The following TRPM2 variants were observed in gnomAD, a reference collection of about 807,000 sequenced individuals.
TRPM2 encodes estrogen-responsive element-associated gene 1 protein.
TRPM2 carries 161 observed loss-of-function variants against 174.0 expected under a neutral mutation model. The ratio of observed to expected loss-of-function variants is 0.93; its 90% CI spans 0.81 to 1.05. TRPM2 has a LOEUF of 1.05. Ranked by LOEUF, TRPM2 falls within the 50% of genes least tolerant of loss-of-function variation. The pLI, the probability that TRPM2 is intolerant of heterozygous loss-of-function variation, is 0.00. For synonymous variants in TRPM2, 954 were observed against 861.3 expected, an observed-to-expected ratio of 1.11 and a Z score of -1.88; for missense variants, 2,057 against 2,038.0, an observed-to-expected ratio of 1.01 and a Z score of -0.18.
intron 11 of TRPM2, 128 bp from the exon 12 acceptor site, chr21:44,395,286 G>T: frequency 3.3e-6 from 4 of 1,194,366 alleles, no homozygotes; most frequent in Non-Finnish European, 4.6e-6. Flanking sequence ...GCAGGTTGTA[G>T]TTCTCCAGGG....
chr21:44,370,525 A>G (rs376118474), intron 5 of TRPM2, among the ~76,000 whole-genome samples: 7 of 152,332 alleles, frequency 4.6e-5, no homozygotes, highest in African/African-American at 1.2e-4. Context: ...CCACGTGGTC[A>G]GGAAAGCCCA....
intron 8 of TRPM2, among the ~76,000 whole-genome samples, chr21:44,380,283 A>G (rs1318429949): frequency 6.6e-6 from 1 of 152,184 alleles, no homozygotes; most frequent in Non-Finnish European, 1.5e-5. Flanking sequence ...CGGCAGGAGA[A>G]TAACATGATG....
In TRPM2 at chr21:44,369,306, G is replaced by C. The variant is rs2048453118; in HGVS notation, c.734G>C (p.Gly245Ala). The change falls in exon 5 of 32, where the codon GGC becomes GCC. Residue 245 changes from glycine (G) to alanine (A), a missense_variant. Coordinates refer to ENST00000397928, the MANE Select transcript of TRPM2 (RefSeq NM_003307.4). ...ATCACCATCGGAGTCGCCACCTGGG[G>C]CACTGTCCACCGCCGCGAGGGCCTG... ...ELITIGVATWGTVHRREGLIH... is the reference protein window; with the variant it reads ...ELITIGVATWATVHRREGLIH... The C allele has an allele frequency of 6.2e-7, 1 of 1,613,578 alleles. No individual in the cohort carries two copies.
intron 16 of TRPM2, among the ~76,000 whole-genome samples, chr21:44,404,689 A>T (rs1000663682): frequency 5.3e-5 from 8 of 151,414 alleles, no homozygotes; most frequent in South Asian, 2.1e-4. Flanking sequence ...TGTGATTGTG[A>T]TGATGATAGT....
At position 44,369,331 on chromosome 21, in the gene TRPM2, G is replaced by GATCCATCCC. The variant is rs2048454652; in HGVS notation, c.761_769dup (p.Ile254_Pro256dup). Reference sequence around the variant, plus strand: ...GCACTGTCCACCGCCGCGAGGGCCTGATCCATCCCACGGTGAGTGCGGCCC... The same window carrying GATCCATCCC: ...GCACTGTCCACCGCCGCGAGGGCCTGATCCATCCCATCCATCCCACGGTGAGTGCGGCCC... On this transcript the variant is annotated inframe_insertion, in exon 5 of 32. Coordinates refer to ENST00000397928, the MANE Select transcript of TRPM2 (RefSeq NM_003307.4). 1 of 1,612,158 alleles carries GATCCATCCC rather than the reference G, an allele frequency of 6.2e-7. No homozygotes were observed. Among genetic ancestry groups the GATCCATCCC allele is most frequent in the Non-Finnish European group, 8.5e-7 (1 of 1,179,076 alleles).
intron 4 of TRPM2, among the ~76,000 whole-genome samples, chr21:44,368,090 T>TTCTA (rs981376434): frequency 1.3e-5 from 2 of 152,266 alleles, no homozygotes; most frequent in Non-Finnish European, 2.9e-5. Flanking sequence ...ATTGTTATCT[T>TTCTA]TCTATCTATC....
At chr21:44,380,343 A>G (rs1478415756) in intron 8 of TRPM2, among the ~76,000 whole-genome samples, 1 of 152,190 alleles carries the variant, frequency 6.6e-6, no homozygotes, top group African/African-American at 2.4e-5. Flanking sequence ...TCCGGCTGTG[A>G]GCGGCCGCTC....
chr21:44,436,697 G>A (rs377630950), intron 28 of TRPM2, among the ~76,000 whole-genome samples: 55 of 136,204 alleles, frequency 4.0e-4, no homozygotes, highest in Admixed American at 8.2e-4. Flanking sequence ...CGTCACCCCC[G>A]GGAGGCACTC....
Position 44,366,660 on chromosome 21 carries a change from G to T in TRPM2, c.424-94G>T. On this transcript the variant is annotated intron_variant, in intron 3 of 31. Coordinates refer to ENST00000397928, the MANE Select transcript of TRPM2 (RefSeq NM_003307.4). The surrounding 1 kb of genome is among the most constrained non-coding windows in gnomAD (Gnocchi z 6.0). The stretch of plus-strand genomic sequence containing the variant: ...GCCGGAAAGGTGTGCGGTGTCTGCC[G>T]CCCGCTGGGGCCTCTCTGCATGGCC... 6.4e-7 allele frequency: 1 copy of T among 1,563,036 alleles called. No homozygotes were observed.
chr21:44,399,235 GT>G lies in TRPM2; in HGVS notation c.2063-60del, dbSNP rs1217156258. 2.2e-5 allele frequency: 35 copies of G among 1,562,334 alleles called. No individual in the cohort carries two copies. Among genetic ancestry groups the G allele is most frequent in the Non-Finnish European group, 3.0e-5 (34 of 1,149,954 alleles). On this transcript the variant is annotated intron_variant, in intron 13 of 31. Transcript: ENST00000397928. The surrounding 1 kb of genome is among the most constrained non-coding windows in gnomAD (Gnocchi z 4.6). ...GTCCCGAGTGGTTGCCCTCTGACCC[GT>G]CCCCAGGGCTCAGTGATTGTGACCT...
intron 19 of TRPM2, among the ~76,000 whole-genome samples, chr21:44,412,808 G>A (rs150435783): frequency 5.1e-4 from 78 of 152,046 alleles, no homozygotes; most frequent in African/African-American, 1.8e-3. Context: ...ACAGTGGGAA[G>A]TTACGTTAAT....
intron 27 of TRPM2, among the ~76,000 whole-genome samples, chr21:44,434,387 CTGGTGGCGGGGA>C (rs1348639219): frequency 2.8e-5 from 4 of 143,948 alleles, no homozygotes; most frequent in East Asian, 2.0e-4. Context: ...GTTGGGAACG[CTGGTGGCGGGGA>C]TGGTGGCGGG....
At chr21:44,407,841 G>A (rs538311895) in intron 19 of TRPM2, among the ~76,000 whole-genome samples, 1 of 151,474 alleles carries the variant, frequency 6.6e-6, no homozygotes, top group South Asian at 2.1e-4. Context: ...TCAGTTGGTG[G>A]ACATATGGGT....
chr21:44,373,941 A>G (rs2048618816), intron 5 of TRPM2, among the ~76,000 whole-genome samples: 1 of 152,038 alleles, frequency 6.6e-6, no homozygotes, highest in South Asian at 2.1e-4. Context: ...AGCCCTCACC[A>G]GAAGAAGCAA....
In TRPM2 at chr21:44,379,166, C is replaced by T. The variant is rs377110748; in HGVS notation, c.1184C>T (p.Thr395Met). Residue 395 changes from threonine (T) to methionine (M), a missense_variant, in exon 8 of 32, where the codon ACG becomes ATG. Coordinates refer to ENST00000397928, the MANE Select transcript of TRPM2 (RefSeq NM_003307.4). ...TTCCAGGAGATGTTTGAGACCTTCACGGAAAGCAGGATTGTCGAGTGGACC... is the reference window on the plus strand; with the variant it reads ...TTCCAGGAGATGTTTGAGACCTTCATGGAAAGCAGGATTGTCGAGTGGACC... ...VFFQEMFETF[T>M]ESRIVEWTKK... The T allele has an allele frequency of 5.1e-5, 82 of 1,613,284 alleles. No individual in the cohort carries two copies. The highest frequency in any genetic ancestry group is 1.1e-4 in the African/African-American group (8 of 74,922).
At chr21:44,416,994 A>G (rs1373231991) in intron 20 of TRPM2, among the ~76,000 whole-genome samples, 3 of 117,646 alleles carry the variant, frequency 2.6e-5, no homozygotes, top group Non-Finnish European at 5.0e-5. Context: ...CACAGTGTGC[A>G]CGTGGGCATG....
intron 28 of TRPM2, among the ~76,000 whole-genome samples, chr21:44,436,424 G>A (rs1748255544): frequency 6.6e-6 from 1 of 152,060 alleles, no homozygotes; most frequent in Non-Finnish European, 1.5e-5. Flanking sequence ...GCCCTGGGGT[G>A]CGAGTCACTC....
intron 5 of TRPM2, among the ~76,000 whole-genome samples, chr21:44,370,777 G>A (rs1169983842): frequency 2.6e-5 from 4 of 152,220 alleles, no homozygotes; most frequent in Non-Finnish European, 4.4e-5. Flanking sequence ...GGCTTTGTTT[G>A]CTCTTTTTAC....
intron 15 of TRPM2, among the ~76,000 whole-genome samples, 176 bp downstream of exon 15, chr21:44,400,547 G>C (rs984796988): frequency 2.0e-5 from 3 of 152,222 alleles, no homozygotes; most frequent in Non-Finnish European, 4.4e-5. Flanking sequence ...AGGGCCCCAC[G>C]TGCTGGAAGC....
Sources: gnomAD v4.1 joint callset for allele counts (sites outside exome capture counted in the v4.1 genomes callset) on GRCh38, gnomAD v4.1.1 for gene constraint, Gnocchi (gnomAD v3.1) non-coding constraint, MANE v1.5 for transcripts, NCBI Gene and HGNC (gene_info 2026-07-23, HGNC 2026-07-21) for gene names.